The following CCDC171 variants were observed in gnomAD, a reference collection of about 807,000 sequenced individuals.
The protein encoded by CCDC171 is coiled-coil domain-containing protein 171.
In CCDC171, 177 loss-of-function variants were observed where a neutral mutation model predicts 168.2. The ratio of observed to expected loss-of-function variants is 1.05; its 90% CI spans 0.93 to 1.19. The LOEUF (loss-of-function observed/expected upper bound fraction) is 1.19, where lower values mean the gene tolerates loss of function less well. Among genes scored for constraint, CCDC171 ranks in the 50% most tolerant of loss-of-function variants. The probability of loss-of-function intolerance (pLI) is 0.00; values close to 1 mark genes in which losing one functional copy is unlikely to be tolerated. For missense variants in CCDC171, 1,991 were observed against 1,539.0 expected, an observed-to-expected ratio of 1.29 and a Z score of -4.91; for synonymous variants, 687 against 540.8, an observed-to-expected ratio of 1.27 and a Z score of -3.75.
chr9:15,832,429 T>A (rs1306454443), intron 21 of CCDC171, among the ~76,000 whole-genome samples: 2 of 152,196 alleles, frequency 1.3e-5, no homozygotes, highest in Non-Finnish European at 2.9e-5. Context: ...ACCTACATAG[T>A]ATACCCTTCT....
At chr9:16,072,390 C>G in the CCDC171 span, among the ~76,000 whole-genome samples, 1 of 152,148 alleles carries the variant, frequency 6.6e-6, no homozygotes, top group African/African-American at 2.4e-5. Flanking sequence ...TTTTTAAACT[C>G]AATACTTGCA....
Position 15,743,379 on chromosome 9 carries a change from C to G in CCDC171, c.2050-894C>G, listed in dbSNP as rs111344332. 3.3e-5 allele frequency among the ~76,000 whole-genome samples: 5 copies of G among 151,500 alleles called. 1 individual carries two copies. Among genetic ancestry groups the G allele is most frequent in the African/African-American group, 1.2e-4 (5 of 41,256 alleles). On this transcript the variant is annotated intron_variant, in intron 16 of 25. Transcript: ENST00000380701. ...TGGAGATGGGGTCTTGCTATGTTGC[C>G]CAGGATGGTCTCAAACTCTTGAGCT...
chr9:15,610,154 AT>A (rs1344077836), intron 6 of CCDC171, among the ~76,000 whole-genome samples: 19 of 152,072 alleles, frequency 1.2e-4, no homozygotes, highest in African/African-American at 4.6e-4. Flanking sequence ...CTCTTTGAGG[AT>A]ATAAGTCATA....
chr9:15,731,630 T>C (rs1249427311), intron 16 of CCDC171, among the ~76,000 whole-genome samples: 1 of 152,154 alleles, frequency 6.6e-6, no homozygotes, highest in Admixed American at 6.6e-5. Context: ...TGTTTCTGTT[T>C]TTTAAATATT....
upstream of CCDC171, among the ~76,000 whole-genome samples, chr9:16,038,227 G>T (rs190204635): frequency 7.8e-4 from 118 of 152,146 alleles, no homozygotes; most frequent in African/African-American, 2.6e-3. Flanking sequence ...AGTTTTGTTT[G>T]GTTTTGGTCA....
intron 16 of CCDC171, among the ~76,000 whole-genome samples, chr9:15,735,830 C>T (rs2054458937): frequency 6.6e-6 from 1 of 152,112 alleles, no homozygotes; most frequent in Admixed American, 6.6e-5. Flanking sequence ...GACTGTGAGT[C>T]CATGGGAATG....
the CCDC171 span, among the ~76,000 whole-genome samples, chr9:16,076,061 G>T: frequency 6.6e-6 from 1 of 152,202 alleles, no homozygotes; most frequent in Admixed American, 6.5e-5. Context: ...CAATGCAGAG[G>T]GTCTGTGGAT....
chr9:15,645,771 T>TTG (rs2046986280), intron 7 of CCDC171, among the ~76,000 whole-genome samples: 2 of 152,190 alleles, frequency 1.3e-5, no homozygotes, highest in Non-Finnish European at 2.9e-5. Context: ...CTACGTCTGA[T>TTG]TGGTGTACCT....
At position 15,642,353 on chromosome 9, in the gene CCDC171, A is replaced by G. The variant is rs1301409301; in HGVS notation, c.823-14774A>G. On this transcript the variant is annotated intron_variant, in intron 7 of 25. Coordinates refer to ENST00000380701, the MANE Select transcript of CCDC171 (RefSeq NM_173550.4). ...TACACGTGTGTGTGTGTATATATAT[A>G]TATATATATATATATATATATATAT... 5.4e-3 allele frequency among the ~76,000 whole-genome samples: 214 copies of G among 39,592 alleles called. 4 individuals carry two copies. The highest frequency in any genetic ancestry group is 0.022 in the South Asian group (19 of 872). 26.0% of individuals were successfully genotyped at this position (39,592 alleles called of 152,430 possible). A position where few individuals can be genotyped will look rare whatever the true frequency, so the allele number is the denominator to read the frequency against.
intron 19 of CCDC171, among the ~76,000 whole-genome samples, chr9:15,778,029 G>A (rs998799735): frequency 6.6e-6 from 1 of 152,104 alleles, no homozygotes; most frequent in African/African-American, 2.4e-5. Flanking sequence ...CGGGCGCGGT[G>A]GCTCACGCCT....
Position 15,594,050 on chromosome 9 carries a change from G to C in CCDC171, c.553G>C (p.Glu185Gln), listed in dbSNP as rs1564006791. ...TTTTATTTATATAAAGGAAGCGTTG[G>C]AAAAACATCAACGGGAGAAGAATGA... ...RLEKTLQEAL[E>Q]KHQREKNEME... The change falls in exon 6 of 26, where the codon GAA becomes CAA. Residue 185 changes from glutamate to glutamine, a missense_variant. Transcript: ENST00000380701. 1.9e-6 allele frequency: 3 copies of C among 1,586,462 alleles called. No individual in the cohort carries two copies. Among genetic ancestry groups the C allele is most frequent in the Non-Finnish European group, 2.6e-6 (3 of 1,165,884 alleles).
downstream of CCDC171, among the ~76,000 whole-genome samples, chr9:16,062,105 A>T (rs1301697069): frequency 1.3e-5 from 2 of 152,158 alleles, no homozygotes; most frequent in Non-Finnish European, 2.9e-5. Context: ...CCCAGAGAGA[A>T]CCTGTGTTGA....
intron 7 of CCDC171, among the ~76,000 whole-genome samples, chr9:15,651,201 C>G (rs1461227431): frequency 6.6e-6 from 1 of 151,910 alleles, no homozygotes; most frequent in Non-Finnish European, 1.5e-5. Flanking sequence ...TTCCACCTCC[C>G]GGGTTCAAGT....
At chr9:16,106,362 T>C in the CCDC171 span, among the ~76,000 whole-genome samples, 1 of 152,208 alleles carries the variant, frequency 6.6e-6, no homozygotes, top group Non-Finnish European at 1.5e-5. Context: ...AGCATGCTTT[T>C]GGACTCCGCA....
intron 3 of CCDC171, among the ~76,000 whole-genome samples, chr9:16,009,013 A>G (rs533170657): frequency 2.0e-4 from 30 of 152,058 alleles, no homozygotes; most frequent in African/African-American, 6.7e-4. Flanking sequence ...TTCTTCCGCA[A>G]TAATACAATT....
intron 21 of CCDC171, among the ~76,000 whole-genome samples, chr9:15,804,760 G>T (rs1384650484): frequency 6.6e-6 from 1 of 151,914 alleles, no homozygotes; most frequent in African/African-American, 2.4e-5. Flanking sequence ...AATGAGTTTG[G>T]TTGGTAAGCT....
intron 23 of CCDC171, among the ~76,000 whole-genome samples, chr9:15,871,391 T>C (rs1232630608): frequency 1.3e-5 from 2 of 151,878 alleles, no homozygotes; most frequent in Non-Finnish European, 2.9e-5. Context: ...GAAATTATAA[T>C]TTAATCTACA....
chr9:15,960,037 A>T (rs926932332), intron 25 of CCDC171, among the ~76,000 whole-genome samples: 1 of 152,156 alleles, frequency 6.6e-6, no homozygotes, highest in African/African-American at 2.4e-5. Flanking sequence ...GCAGCTCTTG[A>T]TGGGGAATCC....
chr9:15,955,308 A>G (rs1829681160), intron 25 of CCDC171, among the ~76,000 whole-genome samples: 1 of 152,168 alleles, frequency 6.6e-6, no homozygotes, highest in African/African-American at 2.4e-5. Context: ...AGGAGGGAAG[A>G]AAGGATGCTG....
Sources: allele counts gnomAD v4.1 joint callset (sites outside exome capture counted in the v4.1 genomes callset), GRCh38; gene constraint gnomAD v4.1.1; transcripts MANE v1.5; gene names NCBI Gene and HGNC (gene_info 2026-07-23, HGNC 2026-07-21).